The following TSPAN2 variants were observed in gnomAD, a reference collection of about 807,000 sequenced individuals.
TSPAN2 encodes the protein tetraspanin-2.
In TSPAN2, 24 loss-of-function variants were observed where a neutral mutation model predicts 33.3. That is an observed-to-expected ratio of 0.72 (90% CI 0.52 to 1.01). The LOEUF (loss-of-function observed/expected upper bound fraction) is 1.01. Among genes scored for constraint, TSPAN2 ranks in the 50% least tolerant of loss-of-function variants. The pLI is 0.00. For synonymous variants in TSPAN2, 114 were observed against 104.5 expected, an observed-to-expected ratio of 1.09 and a Z score of -0.56; for missense variants, 278 against 281.3, an observed-to-expected ratio of 0.99 and a Z score of 0.08.
At chr1:115,085,826 C>T (rs1346256490) in intron 1 of TSPAN2, among the ~76,000 whole-genome samples, 1 of 152,148 alleles carries the variant, frequency 6.6e-6, no homozygotes, top group Non-Finnish European at 1.5e-5. Flanking sequence ...CCTCCACCCC[C>T]ACCCCCCATG....
intron 2 of TSPAN2, among the ~76,000 whole-genome samples, 200 bp downstream of exon 2, chr1:115,072,705 C>T (rs1266362618): frequency 6.6e-6 from 1 of 152,148 alleles, no homozygotes; most frequent in East Asian, 1.9e-4. Context: ...AAGGGGTCAC[C>T]ACAGCCTCTC....
chr1:115,075,868 T>A (rs921958151), intron 1 of TSPAN2, among the ~76,000 whole-genome samples: 1 of 151,990 alleles, frequency 6.6e-6, no homozygotes, highest in Non-Finnish European at 1.5e-5. Flanking sequence ...ATTTTTTTTT[T>A]AACCTTTCCT....
At chr1:115,059,041 T>C in intron 4 of TSPAN2, 60 bp from the exon 5 acceptor site, 1 of 1,292,792 alleles carries the variant, frequency 7.7e-7, no homozygotes, top group Non-Finnish European at 1.1e-6. Flanking sequence ...ACATTCTCCT[T>C]TCATCAAGGA....
rs949134440 is a variant in TSPAN2, at chr1:115,089,438, G to A, written c.-6C>T. The A allele has an allele frequency of 1.3e-6, 2 of 1,557,058 alleles. No individual in the cohort carries two copies. The highest frequency in any genetic ancestry group is 1.7e-6 in the Non-Finnish European group (2 of 1,153,256). Reference sequence around the variant, plus strand: ...CCCCCGCGGAAGCGCCCCATGCTGCGGCCCGGCGGCGGGATCCCCAGTCCC... The same window carrying A: ...CCCCCGCGGAAGCGCCCCATGCTGCAGCCCGGCGGCGGGATCCCCAGTCCC... On this transcript the variant is annotated 5_prime_UTR_variant, in exon 1 of 8. Transcript: ENST00000369516.
At chr1:115,085,551 C>A (rs1293674932) in intron 1 of TSPAN2, among the ~76,000 whole-genome samples, 1 of 152,154 alleles carries the variant, frequency 6.6e-6, no homozygotes, top group Non-Finnish European at 1.5e-5. Flanking sequence ...GAGGGGCAGG[C>A]ACATGAGCTT....
chr1:115,057,712 C>A, intron 5 of TSPAN2, 104 bp from the exon 6 acceptor site: 1 of 997,638 alleles, frequency 1.0e-6, no homozygotes, highest in Non-Finnish European at 1.6e-6. Context: ...AAAGCAGCTC[C>A]GAGGCCCAGT....
chr1:115,059,573 C>A (rs6537851), intron 4 of TSPAN2, among the ~76,000 whole-genome samples: 1 of 152,132 alleles, frequency 6.6e-6, no homozygotes, highest in Non-Finnish European at 1.5e-5. Context: ...CTTTTTATGA[C>A]GTGGTTTAAA....
At chr1:115,058,760 A>C (rs1647538939) in intron 5 of TSPAN2, 123 bp downstream of exon 5, 5 of 845,054 alleles carry the variant, frequency 5.9e-6, no homozygotes, top group Non-Finnish European at 1.0e-5. Context: ...AAGGGCTAAA[A>C]TAGGTGGTGC....
At chr1:115,071,567 A>G (rs1168900998) in intron 2 of TSPAN2, among the ~76,000 whole-genome samples, 1 of 152,202 alleles carries the variant, frequency 6.6e-6, no homozygotes, top group African/African-American at 2.4e-5. Flanking sequence ...ATTTTTTGGT[A>G]TATTTTAACA....
chr1:115,086,662 T>C (rs1388849591), intron 1 of TSPAN2, among the ~76,000 whole-genome samples: 1 of 152,216 alleles, frequency 6.6e-6, no homozygotes, highest in Non-Finnish European at 1.5e-5. Flanking sequence ...GTGTGAAACT[T>C]GTCACTTGAT....
intron 1 of TSPAN2, among the ~76,000 whole-genome samples, chr1:115,077,331 T>C (rs1415911457): frequency 1.6e-5 from 1 of 63,702 alleles, no homozygotes; most frequent in Non-Finnish European, 3.2e-5. Flanking sequence ...AGAAAAATAC[T>C]TAAAAAAAAA....
At chr1:115,076,933 T>G (rs1648434573) in intron 1 of TSPAN2, among the ~76,000 whole-genome samples, 1 of 151,778 alleles carries the variant, frequency 6.6e-6, no homozygotes, top group African/African-American at 2.4e-5. Flanking sequence ...CTCCCTTTTT[T>G]TTTTTTTGAC....
chr1:115,048,140 C>G lies in TSPAN2; in HGVS notation c.*2350G>C, dbSNP rs1370837224. 1.3e-5 allele frequency: 2 copies of G among 150,216 alleles called. No homozygotes were observed. The highest frequency in any genetic ancestry group is 3.0e-5 in the Non-Finnish European group (2 of 67,550). 9.3% of individuals were successfully genotyped at this position (150,216 alleles called of 1,614,324 possible). The stretch of plus-strand genomic sequence containing the variant: ...CTAATCTCAAATTAGTTCAGGGGAA[C>G]AGAAATAGCTGAAAATTTATGTATA... On this transcript the variant is annotated 3_prime_UTR_variant, in exon 8 of 8. Coordinates refer to ENST00000369516, the MANE Select transcript of TSPAN2 (RefSeq NM_005725.6).
chr1:115,072,745 C>T (rs1406945996), intron 2 of TSPAN2, among the ~76,000 whole-genome samples, 160 bp downstream of exon 2: 2 of 152,140 alleles, frequency 1.3e-5, no homozygotes, highest in Non-Finnish European at 2.9e-5. Flanking sequence ...ACTCGGAGGG[C>T]TACACCAGTG....
chr1:115,087,216 G>A (rs557883918), intron 1 of TSPAN2, among the ~76,000 whole-genome samples: 1 of 152,150 alleles, frequency 6.6e-6, no homozygotes, highest in Admixed American at 6.5e-5. Context: ...ACTGTGCCCG[G>A]CCTGAGAATT....
chr1:115,088,869 C>G (rs1648943663), intron 1 of TSPAN2, among the ~76,000 whole-genome samples: 1 of 152,210 alleles, frequency 6.6e-6, no homozygotes, highest in Non-Finnish European at 1.5e-5. Flanking sequence ...AAAACCATCA[C>G]AGCCAGGTAC....
Position 115,083,385 on chromosome 1 carries a change from G to A in TSPAN2, c.69+5979C>T, listed in dbSNP as rs559950916. ...ATTCCAGAAAGCATCAAGTATTAGC[G>A]TAAAAAAGAGACTTAATAAAGGTAA... On this transcript the variant is annotated intron_variant, in intron 1 of 7. Transcript: ENST00000369516. 3.6e-4 allele frequency among the ~76,000 whole-genome samples: 55 copies of A among 152,252 alleles called. 1 individual carries two copies. Among genetic ancestry groups the A allele is most frequent in the African/African-American group, 1.3e-3 (52 of 41,536 alleles).
Position 115,060,464 on chromosome 1 carries a change from T to A in TSPAN2, c.345A>T (p.Val115=). 4 of 1,610,124 alleles carry A rather than the reference T, an allele frequency of 2.5e-6. No individual in the cohort carries two copies. Among genetic ancestry groups the A allele is most frequent in the Non-Finnish European group, 3.4e-6 (4 of 1,177,374 alleles). ...TGVFAFIGKG[V]AIRHVQTMYE... ...AAACATTATAAGTAATTTTACTTAC[T>A]ACCCCCTTGCCTATAAAAGCAAATA... Residue 115 remains valine (V), a splice_region_variant and synonymous_variant, in exon 4 of 8, where the codon GTA becomes GTT. Transcript: ENST00000369516.
chr1:115,073,568 G>A (rs1648278409), intron 1 of TSPAN2, among the ~76,000 whole-genome samples: 1 of 151,944 alleles, frequency 6.6e-6, no homozygotes, highest in South Asian at 2.1e-4. Context: ...GCGGTTTTAG[G>A]GGCATTTGTA....
Sources: gnomAD v4.1 joint callset for allele counts (sites outside exome capture counted in the v4.1 genomes callset) on GRCh38, gnomAD v4.1.1 for gene constraint, MANE v1.5 for transcripts, NCBI Gene and HGNC (gene_info 2026-07-23, HGNC 2026-07-21) for gene names.